RFPL1: variants seen among roughly 807,000 people sequenced by gnomAD.
RFPL1 encodes ret finger protein like 1, also known as ret finger protein-like 1.
A neutral mutation model predicts 9.6 loss-of-function variants in RFPL1; 6 were observed. That is an observed-to-expected ratio of 0.62 (90% CI 0.34 to 1.23). The LOEUF (loss-of-function observed/expected upper bound fraction) is 1.23. Ranked by LOEUF, RFPL1 falls within the 50% of genes most tolerant of loss-of-function variation. The pLI is 0.03. For missense variants in RFPL1, 352 were observed against 398.4 expected, an observed-to-expected ratio of 0.88 and a Z score of 0.99; for synonymous variants, 145 against 149.4, an observed-to-expected ratio of 0.97 and a Z score of 0.22.
At chr22:29,438,580 G>A (rs2062820560), upstream of RFPL1, 1 of 1,412,554 alleles carries the variant, frequency 7.1e-7, no homozygotes, top group South Asian at 1.5e-5. Flanking sequence ...TCACATGGGT[G>A]CTGCCGTGTC....
At chr22:29,414,526 A>G in the RFPL1 span, among the ~76,000 whole-genome samples, 1 of 152,154 alleles carries the variant, frequency 6.6e-6, no homozygotes, top group Non-Finnish European at 1.5e-5. Flanking sequence ...TGAGCAGACC[A>G]ATTATTAGGC....
chr22:29,431,057 TG>T, the RFPL1 span, among the ~76,000 whole-genome samples: 98 of 152,000 alleles, frequency 6.4e-4, 1 homozygote, highest in Middle Eastern at 6.8e-3. Flanking sequence ...AGGATGTAAA[TG>T]AGAGGGGAGG....
chr22:29,437,941 G>T, upstream of RFPL1: 1 of 472,138 alleles, frequency 2.1e-6, no homozygotes, highest in Non-Finnish European at 3.6e-6. Flanking sequence ...TCCAAGGCTG[G>T]AGAAGGATGT....
At chr22:29,414,390 TG>T in the RFPL1 span, among the ~76,000 whole-genome samples, 1 of 152,342 alleles carries the variant, frequency 6.6e-6, no homozygotes, top group South Asian at 2.1e-4. Flanking sequence ...CTTGTAAGTG[TG>T]GGATTTCAAT....
chr22:29,424,692 G>A, the RFPL1 span, among the ~76,000 whole-genome samples: 7 of 148,180 alleles, frequency 4.7e-5, no homozygotes, highest in Admixed American at 2.0e-4. Flanking sequence ...GAGGCTGGAC[G>A]CAGTGGTGCA....
chr22:29,409,747 T>C, the RFPL1 span, among the ~76,000 whole-genome samples: 1 of 152,110 alleles, frequency 6.6e-6, no homozygotes, highest in African/African-American at 2.4e-5. Context: ...AGAAGACAAA[T>C]ACAATTTTTT....
chr22:29,424,105 G>A, the RFPL1 span, among the ~76,000 whole-genome samples: 2 of 152,146 alleles, frequency 1.3e-5, no homozygotes, highest in South Asian at 2.1e-4. Flanking sequence ...ACTGGAACCC[G>A]GGAGACGGAG....
chr22:29,416,322 G>A, the RFPL1 span, among the ~76,000 whole-genome samples: 1 of 152,164 alleles, frequency 6.6e-6, no homozygotes, highest in Non-Finnish European at 1.5e-5. Context: ...CGGAGTCAGG[G>A]GTTCAGCTTT....
At chr22:29,412,349 C>T in the RFPL1 span, among the ~76,000 whole-genome samples, 1 of 152,136 alleles carries the variant, frequency 6.6e-6, no homozygotes, top group Non-Finnish European at 1.5e-5. Context: ...AAATATGTTT[C>T]AACTAGACGT....
the RFPL1 span, among the ~76,000 whole-genome samples, chr22:29,410,576 G>T: frequency 2.8e-5 from 2 of 71,538 alleles, no homozygotes; most frequent in South Asian, 6.1e-4. Context: ...ATATATTGTA[G>T]ATATATCTAT....
At chr22:29,394,852 C>T in the RFPL1 span, among the ~76,000 whole-genome samples, 1 of 152,176 alleles carries the variant, frequency 6.6e-6, no homozygotes, top group Non-Finnish European at 1.5e-5. Flanking sequence ...CAGCAATGGG[C>T]CTAGCGGAGA....
intron 1 of RFPL1, 174 bp from the exon 2 acceptor site, chr22:29,441,368 T>A: frequency 1.4e-6 from 1 of 702,256 alleles, no homozygotes; most frequent in Non-Finnish European, 2.4e-6. Flanking sequence ...CCACAAAGCA[T>A]ACCTATGAGA....
At chr22:29,441,606 C>T (rs757067958) in exon 2 of RFPL1, 15 of 1,613,942 alleles carry the variant, frequency 9.3e-6, no homozygotes, top group South Asian at 4.4e-5. Context: ...ACCTCAGGAG[C>T]GTCCGAAGTG....
intron 1 of RFPL1, chr22:29,439,401 A>ATAC: frequency 1.7e-6 from 1 of 590,116 alleles, no homozygotes; most frequent in South Asian, 2.2e-5. Flanking sequence ...TGGGAGGCCG[A>ATAC]GGCGGGTGGA....
exon 1 of RFPL1, chr22:29,438,865 C>T (rs2062822375): frequency 6.2e-7 from 1 of 1,613,854 alleles, no homozygotes; most frequent in African/African-American, 1.3e-5. Context: ...TGCACTTTTC[C>T]CCTGGCAGTG....
the RFPL1 span, among the ~76,000 whole-genome samples, chr22:29,416,919 T>A: frequency 6.6e-6 from 1 of 152,150 alleles, no homozygotes; most frequent in Non-Finnish European, 1.5e-5. Context: ...GGTCCCAGAG[T>A]CACAGGCCTT....
the RFPL1 span, among the ~76,000 whole-genome samples, chr22:29,390,109 C>T: frequency 1.3e-5 from 2 of 152,122 alleles, no homozygotes; most frequent in Non-Finnish European, 2.9e-5. Context: ...TTTTAACTCA[C>T]CAAAATATTG....
chr22:29,412,476 G>A, the RFPL1 span, among the ~76,000 whole-genome samples: 55 of 152,158 alleles, frequency 3.6e-4, no homozygotes, highest in African/African-American at 1.2e-3. Flanking sequence ...CTGACCCTAG[G>A]GTCCAGGTCA....
chr22:29,403,262 A>G, the RFPL1 span, among the ~76,000 whole-genome samples: 5 of 126,700 alleles, frequency 3.9e-5, no homozygotes, highest in Non-Finnish European at 7.9e-5. Flanking sequence ...TCTTCTTTGG[A>G]ATTCCTGAAA....
Sources: gnomAD v4.1 joint callset for allele counts (sites outside exome capture counted in the v4.1 genomes callset) on GRCh38, gnomAD v4.1.1 for gene constraint, MANE v1.5 for transcripts, NCBI Gene and HGNC (gene_info 2026-07-23, HGNC 2026-07-21) for gene names.